Variants in TRIM69 observed in about 807,000 individuals in gnomAD.
The protein encoded by TRIM69 is E3 ubiquitin-protein ligase TRIM69.
Under a neutral mutation model 37.7 loss-of-function variants are expected in TRIM69, and 29 were observed. The ratio of observed to expected loss-of-function variants is 0.77; its 90% confidence interval spans 0.57 to 1.05. The LOEUF is 1.05. Among genes scored for constraint, TRIM69 ranks in the 50% least tolerant of loss-of-function variants. The pLI, the probability that TRIM69 is intolerant of heterozygous loss-of-function variation, is 0.00. For synonymous variants in TRIM69, 209 were observed against 212.4 expected, an observed-to-expected ratio of 0.98 and a Z score of 0.14; for missense variants, 596 against 579.9, an observed-to-expected ratio of 1.03 and a Z score of -0.28.
intron 3 of TRIM69, 188 bp from the exon 4 acceptor site, chr15:44,758,433 T>C: frequency 8.2e-6 from 7 of 853,326 alleles, no homozygotes; most frequent in Non-Finnish European, 1.2e-5. Flanking sequence ...AACTATTAAA[T>C]TAGTTGGAAA....
At chr15:44,751,197 C>A (rs1217977144) in intron 1 of TRIM69, among the ~76,000 whole-genome samples, 1 of 150,446 alleles carries the variant, frequency 6.6e-6, no homozygotes, top group Non-Finnish European at 1.5e-5. Flanking sequence ...CTCACTGCAA[C>A]CTCCCCCTCC....
intron 1 of TRIM69, among the ~76,000 whole-genome samples, chr15:44,752,633 A>G (rs1270613402): frequency 1.3e-5 from 2 of 152,204 alleles, no homozygotes; most frequent in Non-Finnish European, 2.9e-5. Context: ...GTAATTACTG[A>G]TAAAGACTTA....
At chr15:44,736,889 A>T (rs1199910479) in intron 1 of TRIM69, among the ~76,000 whole-genome samples, 179 bp downstream of exon 1, 1 of 152,230 alleles carries the variant, frequency 6.6e-6, no homozygotes, top group Non-Finnish European at 1.5e-5. Flanking sequence ...CTGATAATTT[A>T]TACTAGAGAA....
chr15:44,745,340 G>A (rs1192686735), intron 1 of TRIM69, among the ~76,000 whole-genome samples: 1 of 152,012 alleles, frequency 6.6e-6, no homozygotes, highest in Admixed American at 6.6e-5. Context: ...TACATGTGAC[G>A]AAGAATACAG....
intron 1 of TRIM69, chr15:44,753,021 A>C (rs1257089037): frequency 6.6e-5 from 10 of 152,182 alleles, no homozygotes; most frequent in Admixed American, 6.5e-4. Context: ...TTTTATATTG[A>C]ATAGGGGAAA....
At chr15:44,766,305 G>T (rs759283647) in intron 6 of TRIM69, among the ~76,000 whole-genome samples, 7 of 152,016 alleles carry the variant, frequency 4.6e-5, no homozygotes, top group Non-Finnish European at 5.9e-5. Context: ...TAACCACATG[G>T]TATGTGGACC....
chr15:44,736,770 G>A lies in TRIM69; in HGVS notation c.6+60G>A, dbSNP rs558262699. The A allele has an allele frequency of 2.5e-3, 3,964 of 1,583,868 alleles. 5 individuals are homozygous for A. Among genetic ancestry groups the A allele is most frequent in the Non-Finnish European group, 3.0e-3 (3,507 of 1,165,260 alleles). ...CTTCTAGGAATAGTGTGGAAAACAG[G>A]ATCATAGAAGAGGATATGGATTTAG... On this transcript the variant is annotated intron_variant, in intron 1 of 6. Transcript: ENST00000329464.
rs777591033 is a variant in TRIM69 at position 44,755,237 on chromosome 15, G to C, written c.344G>C (p.Cys115Ser). 1.2e-6 allele frequency: 2 copies of C among 1,614,186 alleles called. No homozygotes were observed. The highest frequency in any genetic ancestry group is 2.2e-5 in the South Asian group (2 of 91,084). The change falls in exon 2 of 7, where the codon TGC (cysteine) becomes TCC (serine). Residue 115 changes from cysteine to serine, a missense_variant. By Grantham distance (112) the Cys-to-Ser change is moderately radical. Coordinates refer to ENST00000329464, the MANE Select transcript of TRIM69 (RefSeq NM_182985.5). ...CCCTTACTCAAGGGCCATCCACAGT[G>C]CCCAGAGCATGGAGAGAACCTGAAA... is the stretch of plus-strand genomic sequence containing the variant. ...KLPLLKGHPQCPEHGENLKLF... is the reference protein window; with the variant it reads ...KLPLLKGHPQSPEHGENLKLF...
rs545311924 is a variant in TRIM69 at position 44,739,619 on chromosome 15, G to A, written c.6+2909G>A. Among the ~76,000 whole-genome samples the A allele has an allele frequency of 3.4e-3, 518 of 152,306 alleles. 2 individuals are homozygous for A. Among genetic ancestry groups the A allele is most frequent in the African/African-American group, 0.012 (484 of 41,558 alleles). ...GAGGGCCCTACGCCCATGGAGTCTC[G>A]CTGATTGCTAGCACAGCAGTCTGAG... On this transcript the variant is annotated intron_variant, in intron 1 of 6. Coordinates refer to ENST00000329464, the MANE Select transcript of TRIM69 (RefSeq NM_182985.5).
intron 1 of TRIM69, chr15:44,753,249 A>C (rs769321036): frequency 3.9e-5 from 6 of 152,030 alleles, no homozygotes; most frequent in Non-Finnish European, 7.4e-5. Context: ...TTTATCTGGG[A>C]ATGTCTTAAT....
chr15:44,738,551 G>T (rs972604233), intron 1 of TRIM69, among the ~76,000 whole-genome samples: 10 of 152,142 alleles, frequency 6.6e-5, no homozygotes, highest in Non-Finnish European at 1.5e-4. Context: ...ACTCTCATTT[G>T]GTTTCCAATT....
chr15:44,740,300 T>C (rs1263999025), intron 1 of TRIM69, among the ~76,000 whole-genome samples: 2 of 152,076 alleles, frequency 1.3e-5, no homozygotes, highest in Admixed American at 6.6e-5. Flanking sequence ...GCAGGAAAAC[T>C]GGAAACTCTA....
At chr15:44,743,877 C>A (rs2087346779) in intron 1 of TRIM69, among the ~76,000 whole-genome samples, 1 of 152,158 alleles carries the variant, frequency 6.6e-6, no homozygotes, top group African/African-American at 2.4e-5. Flanking sequence ...ACTAGTTCAA[C>A]CATTGTGGAA....
chr15:44,748,427 A>AGCCACTTCTGGTG (rs918489108), intron 1 of TRIM69, among the ~76,000 whole-genome samples: 1 of 152,238 alleles, frequency 6.6e-6, no homozygotes, highest in East Asian at 1.9e-4. Context: ...CTGAGATTGA[A>AGCCACTTCTGGTG]GCCACTTCTG....
At chr15:44,750,620 T>A (rs960374071) in intron 1 of TRIM69, among the ~76,000 whole-genome samples, 4 of 151,882 alleles carry the variant, frequency 2.6e-5, no homozygotes, top group African/African-American at 9.7e-5. Context: ...GTAATTTAAA[T>A]CTTCTCTCTT....
At position 44,736,719 on chromosome 15, in the gene TRIM69, C is replaced by CT. The variant is rs1187084400; in HGVS notation, c.6+9_6+10insT. ...GCTGAAGCTTCATGGAGGTGAGTGACCCTTTTTTTTTTTAACTTAGCAGGG... is the reference window on the plus strand; with the variant it reads ...GCTGAAGCTTCATGGAGGTGAGTGACTCCTTTTTTTTTTTAACTTAGCAGGG... On this transcript the variant is annotated intron_variant, in intron 1 of 6. Coordinates refer to ENST00000329464, the MANE Select transcript of TRIM69 (RefSeq NM_182985.5). 2.7e-6 allele frequency: 4 copies of CT among 1,497,442 alleles called. No homozygotes were observed. Among genetic ancestry groups the CT allele is most frequent in the Admixed American group, 4.1e-5 (2 of 48,656 alleles). 92.8% of individuals were successfully genotyped at this position (1,497,442 alleles called of 1,614,324 possible). A position where few individuals can be genotyped will look rare whatever the true frequency, so the allele number is the denominator to read the frequency against.
Position 44,754,965 on chromosome 15 carries a change from C to T in TRIM69, c.72C>T (p.Thr24=), listed in dbSNP as rs779482505. ...ATGTTGAAATGAATGATTCAATCACCCACCTACCCTCTAAAGTGGTGATAC... is the reference window on the plus strand; with the variant it reads ...ATGTTGAAATGAATGATTCAATCACTCACCTACCCTCTAAAGTGGTGATAC... ...GDYVEMNDSI[T]HLPSKVVIQD... is the part of the protein sequence containing the mutation. The change falls in exon 2 of 7, where the codon ACC becomes ACT. Residue 24 remains threonine, a synonymous_variant. Coordinates refer to ENST00000329464, the MANE Select transcript of TRIM69 (RefSeq NM_182985.5). 9.9e-6 allele frequency: 16 copies of T among 1,614,148 alleles called. No homozygotes were observed. Among genetic ancestry groups the T allele is most frequent in the East Asian group, 2.2e-5 (1 of 44,888 alleles).
intron 1 of TRIM69, among the ~76,000 whole-genome samples, chr15:44,739,763 A>G (rs1038698763): frequency 4.0e-5 from 6 of 151,864 alleles, no homozygotes; most frequent in African/African-American, 1.5e-4. Flanking sequence ...CAGCTCAAGG[A>G]GGCCTGCCTG....
chr15:44,742,437 T>G (rs1363447663), intron 1 of TRIM69, among the ~76,000 whole-genome samples: 2 of 144,140 alleles, frequency 1.4e-5, no homozygotes, highest in African/African-American at 5.1e-5. Context: ...TCACCACTCC[T>G]ATTCAACATA....
Sources: gnomAD v4.1 joint callset for allele counts (sites outside exome capture counted in the v4.1 genomes callset) on GRCh38, gnomAD v4.1.1 for gene constraint, MANE v1.5 for transcripts, NCBI Gene and HGNC (gene_info 2026-07-23, HGNC 2026-07-21) for gene names.